The following PHEX variants were observed in gnomAD, a reference collection of about 807,000 sequenced individuals.
PHEX encodes the protein phosphate-regulating neutral endopeptidase PHEX.
A neutral mutation model predicts 68.0 loss-of-function variants in PHEX; 16 were observed. The ratio of observed to expected loss-of-function variants is 0.24; its 90% CI spans 0.16 to 0.36. PHEX has a LOEUF of 0.36. Ranked by LOEUF, PHEX falls within the 10% of genes least tolerant of loss-of-function variation. The probability of loss-of-function intolerance (pLI) is 1.00; values close to 1 mark genes in which losing one functional copy is unlikely to be tolerated. For missense variants in PHEX, 480 were observed against 575.5 expected (o/e 0.83, Z 1.70); for synonymous variants, 208 against 205.1 (o/e 1.01, Z -0.12).
At chrX:22,117,025 A>G (rs184351995) in intron 11 of PHEX, among the ~76,000 whole-genome samples, 1 of 112,217 alleles carries the variant, frequency 8.9e-6, no homozygotes, top group East Asian at 2.8e-4. Context: ...TTACCTCAGT[A>G]CCTAGACCCA....
At chrX:22,203,564 A>G (rs191430285) in intron 15 of PHEX, among the ~76,000 whole-genome samples, 2 of 111,255 alleles carry the variant, frequency 1.8e-5, no homozygotes, top group East Asian at 5.7e-4. Flanking sequence ...CATAACCAAA[A>G]GTGCTTTGTA....
intron 16 of PHEX, among the ~76,000 whole-genome samples, chrX:22,216,739 C>G (rs1266216856): frequency 9.1e-6 from 1 of 109,783 alleles, no homozygotes; most frequent in Non-Finnish European, 1.9e-5. Flanking sequence ...AGGCTGGTCT[C>G]GAACTCCCGA....
intron 19 of PHEX, among the ~76,000 whole-genome samples, chrX:22,227,043 TGACTA>T (rs764090314): frequency 8.9e-6 from 1 of 112,614 alleles, no homozygotes; most frequent in South Asian, 3.7e-4. Flanking sequence ...TTAAATTTAA[TGACTA>T]GACTGTTATT....
At position 22,076,418 on chromosome X, in the gene PHEX, G is replaced by C; in HGVS notation, c.380G>C (p.Arg127Pro). The C allele has an allele frequency of 8.3e-7, 1 of 1,208,884 alleles. No homozygotes were observed. The highest frequency in any genetic ancestry group is 1.1e-6 in the Non-Finnish European group (1 of 892,913). ...ELLEKSISRRRDTEAIQKAKI... is the reference protein window; with the variant it reads ...ELLEKSISRRPDTEAIQKAKI... The stretch of plus-strand genomic sequence containing the variant: ...TTGGAGAAATCAATCAGTAGAAGGC[G>C]GGACACCGAAGCCATACAGAAAGCC... Residue 127 changes from arginine to proline, a missense_variant, in exon 4 of 22, where the codon CGG (arginine) becomes CCG (proline). Transcript: ENST00000379374.
At chrX:22,092,519 T>C (rs1401752989) in intron 6 of PHEX, among the ~76,000 whole-genome samples, 1 of 109,619 alleles carries the variant, frequency 9.1e-6, no homozygotes, top group Non-Finnish European at 1.9e-5. Flanking sequence ...ATTATGGGCA[T>C]GCACCACCAT....
At chrX:22,151,631 G>A (rs1430911999) in intron 12 of PHEX, among the ~76,000 whole-genome samples, 1 of 111,329 alleles carries the variant, frequency 9.0e-6, no homozygotes, top group Non-Finnish European at 1.9e-5. Context: ...CCATTTTCTG[G>A]AATACCACCT....
chrX:22,074,914 A>G, intron 3 of PHEX, among the ~76,000 whole-genome samples: 1 of 110,124 alleles, frequency 9.1e-6, no homozygotes, highest in South Asian at 4.0e-4. Context: ...CATCTCTACT[A>G]AAAATACAAA....
chrX:22,070,984 G>T (rs1490492670), intron 3 of PHEX, among the ~76,000 whole-genome samples: 1 of 111,818 alleles, frequency 8.9e-6, no homozygotes, highest in Non-Finnish European at 1.9e-5. Flanking sequence ...TTAAATGATT[G>T]GCCTGAGCTG....
chrX:22,166,827 T>TGAG (rs1233594473), intron 12 of PHEX, among the ~76,000 whole-genome samples: 2 of 111,586 alleles, frequency 1.8e-5, no homozygotes, highest in East Asian at 2.8e-4. Flanking sequence ...TACTCTGTTA[T>TGAG]GAGTTTGACT....
At chrX:22,140,545 A>C (rs1932413435) in intron 12 of PHEX, among the ~76,000 whole-genome samples, 1 of 111,205 alleles carries the variant, frequency 9.0e-6, no homozygotes, top group Non-Finnish European at 1.9e-5. Flanking sequence ...GCAGTGGTGC[A>C]ATCTTGGCTC....
intron 16 of PHEX, among the ~76,000 whole-genome samples, chrX:22,217,175 G>A (rs1228592359): frequency 4.5e-5 from 5 of 111,841 alleles, no homozygotes; most frequent in Non-Finnish European, 9.4e-5. Context: ...GAGAGACCTG[G>A]AAAAACTAAA....
chrX:22,202,513 T>G (rs1934588522), intron 15 of PHEX, among the ~76,000 whole-genome samples: 1 of 112,050 alleles, frequency 8.9e-6, no homozygotes, highest in Non-Finnish European at 1.9e-5. Flanking sequence ...AATGAGATGG[T>G]TTAACCTTTA....
chrX:22,126,649 G>C (rs1198418425), intron 11 of PHEX, among the ~76,000 whole-genome samples: 2 of 110,488 alleles, frequency 1.8e-5, no homozygotes, highest in East Asian at 5.7e-4. Flanking sequence ...GTAAAGCCCT[G>C]GATTGAAGGG....
chrX:22,149,508 C>G (rs1932798902), intron 12 of PHEX, among the ~76,000 whole-genome samples: 1 of 112,858 alleles, frequency 8.9e-6, no homozygotes, highest in South Asian at 3.6e-4. Flanking sequence ...AATCCCAGCA[C>G]TTTGGGAGGC....
intron 21 of PHEX, among the ~76,000 whole-genome samples, chrX:22,247,628 C>T (rs377259387): frequency 8.9e-6 from 1 of 111,869 alleles, no homozygotes; most frequent in Non-Finnish European, 1.9e-5. Flanking sequence ...GAAGACTGTT[C>T]GAAGAGTAAT....
At chrX:22,113,915 T>C (rs1415010647) in intron 10 of PHEX, among the ~76,000 whole-genome samples, 2 of 109,018 alleles carry the variant, frequency 1.8e-5, no homozygotes, top group African/African-American at 6.7e-5. Context: ...TTATTTTAAC[T>C]GTTAAATCAC....
At chrX:22,229,195 A>G (rs972644692) in intron 20 of PHEX, among the ~76,000 whole-genome samples, 1 of 112,189 alleles carries the variant, frequency 8.9e-6, no homozygotes, top group African/African-American at 3.2e-5. Flanking sequence ...CACAATAAAC[A>G]TAAGTGTGCA....
intron 1 of PHEX, 149 bp from the exon 2 acceptor site, chrX:22,038,320 C>T (rs751364734): frequency 1.1e-4 from 63 of 549,346 alleles, no homozygotes; most frequent in East Asian, 4.0e-4. Context: ...AGTCTGGTTT[C>T]GTGACATTGA....
chrX:22,186,994 C>T (rs1350294880), intron 14 of PHEX, among the ~76,000 whole-genome samples: 1 of 112,256 alleles, frequency 8.9e-6, no homozygotes, highest in Non-Finnish European at 1.9e-5. Context: ...GAAGCCAAGG[C>T]ACCCACCTGG....
Sources: allele counts gnomAD v4.1 joint callset (sites outside exome capture counted in the v4.1 genomes callset), GRCh38; gene constraint gnomAD v4.1.1; transcripts MANE v1.5; gene names NCBI Gene and HGNC (gene_info 2026-07-23, HGNC 2026-07-21).